Variants in TBC1D20 observed in about 807,000 individuals in gnomAD.
TBC1D20 encodes the protein TBC1 domain family member 20, also known as chromosome 20 open reading frame 140.
TBC1D20 carries 12 observed loss-of-function variants against 41.6 expected under a neutral mutation model. The ratio of observed to expected loss-of-function variants is 0.29; its 90% CI spans 0.18 to 0.47. The LOEUF is 0.47. TBC1D20 is among the 20% of genes least tolerant of loss of function. TBC1D20 has a pLI of 1.00. For synonymous variants in TBC1D20, 205 were observed against 204.8 expected (o/e 1.00, Z -0.01); for missense variants, 421 against 517.4 (o/e 0.81, Z 1.81).
intron 3 of TBC1D20, among the ~76,000 whole-genome samples, chr20:442,760 G>A (rs899356836): frequency 1.1e-4 from 17 of 152,176 alleles, no homozygotes; most frequent in Non-Finnish European, 1.9e-4. Flanking sequence ...GAGAAAAAGT[G>A]TATGTCTATG....
At chr20:451,920 A>C (rs1395760047) in intron 1 of TBC1D20, among the ~76,000 whole-genome samples, 1 of 152,200 alleles carries the variant, frequency 6.6e-6, no homozygotes, top group Non-Finnish European at 1.5e-5. Context: ...TCTTATTTGG[A>C]ATTGAATTCT....
intron 1 of TBC1D20, among the ~76,000 whole-genome samples, chr20:460,976 G>T (rs564265681): frequency 5.3e-5 from 8 of 152,240 alleles, no homozygotes; most frequent in African/African-American, 1.9e-4. Context: ...TAATTAAAGG[G>T]TTACGGTGCC....
rs372795776 is a variant in TBC1D20 at position 459,813 on chromosome 20, T to A, written c.70+2523A>T. 3.3e-5 allele frequency among the ~76,000 whole-genome samples: 5 copies of A among 152,132 alleles called. No individual in the cohort carries two copies. The East Asian group carries it at 5.8e-4, about 18-fold the overall frequency. The stretch of plus-strand genomic sequence containing the variant: ...ATGGGACACTTCATCTGAACTGTGG[T>A]TCTTAATGGTTCAGATAAAGATGAC... On this transcript the variant is annotated intron_variant, in intron 1 of 7. Coordinates refer to ENST00000354200, the MANE Select transcript of TBC1D20 (RefSeq NM_144628.4).
intron 1 of TBC1D20, among the ~76,000 whole-genome samples, chr20:460,432 C>A (rs1758620797): frequency 1.1e-5 from 1 of 88,292 alleles, no homozygotes. Flanking sequence ...GATCCCATCT[C>A]TCAAAAAAAA....
Position 448,036 on chromosome 20 carries a change from G to GT in TBC1D20, c.108dup (p.His37ThrfsTer7). ...GTGGGATCACTGTTCAGAGCCTGGT[G>GT]TATCTCTGCCACTTTCTTTTTCCTT... is the stretch of plus-strand genomic sequence containing the variant. On this transcript the variant is annotated frameshift_variant, in exon 2 of 8. Coordinates refer to ENST00000354200, the MANE Select transcript of TBC1D20 (RefSeq NM_144628.4). LOFTEE classifies it high-confidence loss of function. 6.2e-7 allele frequency: 1 copy of GT among 1,613,886 alleles called. No individual in the cohort carries two copies. The highest frequency in any genetic ancestry group is 8.5e-7 in the Non-Finnish European group (1 of 1,179,786).
In TBC1D20 at chr20:462,524, A is replaced by G. The variant is rs999429785; in HGVS notation, c.-119T>C. On this transcript the variant is annotated 5_prime_UTR_variant, in exon 1 of 8. Transcript: ENST00000354200. ...ATCGGCAGGCTCCCCTCCGTCGGCCAGCGGCGCGCAGGCGCGCAGGCGCCC... is the reference window on the plus strand; with the variant it reads ...ATCGGCAGGCTCCCCTCCGTCGGCCGGCGGCGCGCAGGCGCGCAGGCGCCC... The G allele has an allele frequency of 1.2e-5, 6 of 485,164 alleles. No homozygotes were observed. In the South Asian group the frequency reaches 3.7e-4, roughly 30 times the overall value. 30.1% of individuals were successfully genotyped at this position (485,164 alleles called of 1,614,324 possible).
In TBC1D20 at chr20:439,039, C is replaced by T. The variant is rs187503491; in HGVS notation, c.956+69G>A. 380 of 1,547,474 alleles carry T rather than the reference C, an allele frequency of 2.5e-4. No homozygotes were observed. The African/African-American group carries it at 4.2e-3, about 17-fold the overall frequency. On this transcript the variant is annotated intron_variant, in intron 7 of 7. Transcript: ENST00000354200. This position sits in a 1 kb window ranked among gnomAD's most constrained non-coding sequence, Gnocchi z 4.6. ...CATGCCCCAACCCTATCCCACCAGA[C>T]ACAAACCTTCCCTCGCTTCTGCTCA...
chr20:450,793 T>C (rs991237060), intron 1 of TBC1D20: 5 of 152,164 alleles, frequency 3.3e-5, no homozygotes, highest in African/African-American at 9.7e-5. Flanking sequence ...TTTTGGGAAA[T>C]TGGTTGGGAA....
At chr20:454,522 G>A (rs535518500) in intron 1 of TBC1D20, among the ~76,000 whole-genome samples, 1 of 152,216 alleles carries the variant, frequency 6.6e-6, no homozygotes, top group African/African-American at 2.4e-5. Context: ...CCAGAAGGTA[G>A]GGCAGATTTT....
chr20:451,115 C>T (rs567011484), intron 1 of TBC1D20, among the ~76,000 whole-genome samples: 1 of 152,302 alleles, frequency 6.6e-6, no homozygotes, highest in South Asian at 2.1e-4. Flanking sequence ...TGGCCAAGAG[C>T]TCAAAGAGAC....
Position 438,332 on chromosome 20 carries a change from T to G in TBC1D20, c.*254A>C. On this transcript the variant is annotated 3_prime_UTR_variant, in exon 8 of 8. Coordinates refer to ENST00000354200, the MANE Select transcript of TBC1D20 (RefSeq NM_144628.4). Reference sequence around the variant, plus strand: ...CCCACTTCCTCCAACACCAGGGAGGTGGCAGAGAGCCCATCCAAAAGCCCA... The same window carrying G: ...CCCACTTCCTCCAACACCAGGGAGGGGGCAGAGAGCCCATCCAAAAGCCCA... The G allele has an allele frequency of 2.0e-6, 1 of 496,772 alleles. No homozygotes were observed. The highest frequency in any genetic ancestry group is 3.6e-6 in the Non-Finnish European group (1 of 279,614). The allele number at this position is 496,772 out of a possible 1,614,324, so 30.8% of individuals were successfully genotyped here. A position where few individuals can be genotyped will look rare whatever the true frequency, so the allele number is the denominator to read the frequency against.
chr20:455,769 C>T (rs2017529606), intron 1 of TBC1D20, among the ~76,000 whole-genome samples: 1 of 150,756 alleles, frequency 6.6e-6, no homozygotes, highest in Non-Finnish European at 1.5e-5. Context: ...CCCGTCTCCA[C>T]TAAAAATACA....
At position 459,233 on chromosome 20, in the gene TBC1D20, T is replaced by C. The variant is rs1312855746; in HGVS notation, c.70+3103A>G. On this transcript the variant is annotated intron_variant, in intron 1 of 7. Coordinates refer to ENST00000354200, the MANE Select transcript of TBC1D20 (RefSeq NM_144628.4). ...TATTCTTGGGATGTTCAGGAAAAGA[T>C]TAAAATAAATGCCTATTATCTATTG... Among the ~76,000 whole-genome samples, 3 of 152,214 alleles carry C rather than the reference T, an allele frequency of 2.0e-5. No individual in the cohort carries two copies. The East Asian group carries it at 5.8e-4, about 29-fold the overall frequency.
At chr20:458,925 C>A (rs1273010160) in intron 1 of TBC1D20, among the ~76,000 whole-genome samples, 1 of 152,112 alleles carries the variant, frequency 6.6e-6, no homozygotes, top group Non-Finnish European at 1.5e-5. Flanking sequence ...CCCAACACCA[C>A]CCTCCTCAAC....
intron 1 of TBC1D20, among the ~76,000 whole-genome samples, chr20:449,562 C>T (rs1310088621): frequency 1.3e-5 from 2 of 151,968 alleles, no homozygotes; most frequent in Admixed American, 6.6e-5. Context: ...TGCCACTGCA[C>T]TCCAGCCTGG....
rs1010250381 is a variant in TBC1D20 at position 454,065 on chromosome 20, CCT to C, written c.71-5993_71-5992del. Among the ~76,000 whole-genome samples the C allele has an allele frequency of 1.0e-4, 15 of 143,314 alleles. 1 individual carries two copies. The highest frequency in any genetic ancestry group is 4.0e-4 in the African/African-American group (15 of 37,182). 94.0% of individuals were successfully genotyped at this position (143,314 alleles called of 152,430 possible). On this transcript the variant is annotated intron_variant, in intron 1 of 7. Transcript: ENST00000354200. ...ACCATCTTGGCTAACACGGTGAAAC[CCT>C]GTCTTTACTAAAAAAATACAAAAAA... is the stretch of plus-strand genomic sequence containing the variant.
intron 1 of TBC1D20, among the ~76,000 whole-genome samples, chr20:451,161 T>C (rs1043588424): frequency 6.6e-6 from 1 of 152,224 alleles, no homozygotes; most frequent in Non-Finnish European, 1.5e-5. Flanking sequence ...CTGAGAAGTG[T>C]ACCTTAAAAA....
At chr20:458,059 TA>T (rs1258072298) in intron 1 of TBC1D20, among the ~76,000 whole-genome samples, 5 of 152,204 alleles carry the variant, frequency 3.3e-5, no homozygotes, top group Non-Finnish European at 2.9e-5. Context: ...GAAGTCTTGT[TA>T]ACCTATTTGC....
At chr20:441,304 G>A (rs1216013673) in intron 5 of TBC1D20, 1 of 338,550 alleles carries the variant, frequency 3.0e-6, no homozygotes, top group Non-Finnish European at 5.4e-6. Flanking sequence ...TGTTTCTCTT[G>A]TGGCAATAAC....
Sources: gnomAD v4.1 joint callset for allele counts (sites outside exome capture counted in the v4.1 genomes callset) on GRCh38, gnomAD v4.1.1 for gene constraint, Gnocchi (gnomAD v3.1) non-coding constraint, MANE v1.5 for transcripts, NCBI Gene and HGNC (gene_info 2026-07-23, HGNC 2026-07-21) for gene names.